SGCZ: variants seen among roughly 807,000 people sequenced by gnomAD.
SGCZ encodes sarcoglycan zeta, also known as zeta-sarcoglycan.
A neutral mutation model predicts 41.3 loss-of-function variants in SGCZ; 40 were observed. The observed-to-expected ratio is 0.97, with a 90% CI of 0.75 to 1.26. SGCZ has a LOEUF of 1.26. Among genes scored for constraint, SGCZ ranks in the 50% most tolerant of loss-of-function variants. The probability of loss-of-function intolerance (pLI) is 0.00; values close to 1 mark genes in which losing one functional copy is unlikely to be tolerated. For synonymous variants in SGCZ, 206 were observed against 137.5 expected (o/e 1.50, Z -3.49); for missense variants, 552 against 369.8 (o/e 1.49, Z -4.04).
At chr8:14,289,778 G>C (rs572179248) in intron 3 of SGCZ, among the ~76,000 whole-genome samples, 9 of 150,998 alleles carry the variant, frequency 6.0e-5, no homozygotes, top group African/African-American at 2.2e-4. Flanking sequence ...AACTGTATTA[G>C]TCCATTTCCA....
At chr8:15,048,698 A>G (rs911357424) in intron 1 of SGCZ, among the ~76,000 whole-genome samples, 2 of 152,310 alleles carry the variant, frequency 1.3e-5, no homozygotes, top group South Asian at 4.1e-4. Context: ...TTGACCACAG[A>G]TCTAAAAATA....
intron 2 of SGCZ, among the ~76,000 whole-genome samples, chr8:14,376,335 T>A (rs1326247431): frequency 1.3e-5 from 2 of 150,132 alleles, no homozygotes; most frequent in South Asian, 2.1e-4. Flanking sequence ...AAATAAAAAA[T>A]AAAATAAAAA....
At chr8:14,870,423 A>T (rs1300681531) in intron 1 of SGCZ, among the ~76,000 whole-genome samples, 1 of 152,194 alleles carries the variant, frequency 6.6e-6, no homozygotes. Context: ...TACACCTTAT[A>T]TAAAAATTAA....
chr8:15,221,124 G>C (rs561229630), intron 1 of SGCZ, among the ~76,000 whole-genome samples: 198 of 152,186 alleles, frequency 1.3e-3, no homozygotes, highest in African/African-American at 4.1e-3. Flanking sequence ...TAACAAAACT[G>C]CATGTTGTTC....
At chr8:14,748,214 C>T (rs1388722322) in intron 1 of SGCZ, among the ~76,000 whole-genome samples, 1 of 152,044 alleles carries the variant, frequency 6.6e-6, no homozygotes, top group African/African-American at 2.4e-5. Flanking sequence ...CCCACAACAA[C>T]GTTTTGAGAT....
intron 1 of SGCZ, among the ~76,000 whole-genome samples, chr8:14,660,937 A>C (rs558006356): frequency 1.3e-5 from 2 of 152,294 alleles, no homozygotes; most frequent in African/African-American, 4.8e-5. Context: ...AATCTGAAGA[A>C]TTTACTCAGG....
Position 14,666,648 on chromosome 8 carries a change from T to C in SGCZ, c.40-111722A>G, listed in dbSNP as rs74917479. Among the ~76,000 whole-genome samples the C allele has an allele frequency of 1.0e-3, 135 of 133,928 alleles. 1 individual carries two copies. The East Asian group carries it at 0.028, about 28-fold the overall frequency. The allele number at this position is 133,928 out of a possible 152,430, so 87.9% of individuals were successfully genotyped here. ...ACAAGTTATTTTCTCAGTACCCTAA[T>C]AGAGAGACAAGGACATATCTTGTTG... On this transcript the variant is annotated intron_variant, in intron 1 of 7. Transcript: ENST00000382080.
At chr8:14,235,976 C>A (rs562647784) in intron 4 of SGCZ, among the ~76,000 whole-genome samples, 1 of 152,284 alleles carries the variant, frequency 6.6e-6, no homozygotes, top group East Asian at 1.9e-4. Context: ...AGCTCCCGTG[C>A]CTGACCCTTA....
chr8:14,732,487 C>G (rs1798893317), intron 1 of SGCZ, among the ~76,000 whole-genome samples: 1 of 152,170 alleles, frequency 6.6e-6, no homozygotes, highest in Non-Finnish European at 1.5e-5. Flanking sequence ...ACCTCAAGTT[C>G]TCTAAGCCCT....
At chr8:14,825,219 AC>A (rs1177455752) in intron 1 of SGCZ, among the ~76,000 whole-genome samples, 1 of 152,136 alleles carries the variant, frequency 6.6e-6, no homozygotes, top group East Asian at 1.9e-4. Context: ...AGTAAAGAAA[AC>A]CTTTTATAGC....
intron 1 of SGCZ, among the ~76,000 whole-genome samples, chr8:14,786,850 AAC>A (rs141718621): frequency 0.36 from 50,812 of 141,444 alleles, 10,490 homozygotes; most frequent in East Asian, 0.51. Flanking sequence ...AAAAAAAAAA[AAC>A]AAAAAACACA....
At chr8:14,350,441 C>T (rs1205664663) in intron 2 of SGCZ, among the ~76,000 whole-genome samples, 1 of 152,080 alleles carries the variant, frequency 6.6e-6, no homozygotes, top group Non-Finnish European at 1.5e-5. Flanking sequence ...TCTGTTGCTA[C>T]TGAAGCATTC....
At chr8:14,394,873 C>T (rs1323731671) in intron 2 of SGCZ, among the ~76,000 whole-genome samples, 1 of 152,112 alleles carries the variant, frequency 6.6e-6, no homozygotes, top group African/African-American at 2.4e-5. Context: ...AGCATTATGT[C>T]AGTGCATGGG....
chr8:14,227,961 C>G (rs12675362), intron 4 of SGCZ, among the ~76,000 whole-genome samples: 28,874 of 151,874 alleles, frequency 0.19, 3,045 homozygotes, highest in East Asian at 0.45. Flanking sequence ...ACCCCATGAC[C>G]AGGCAATTAG....
chr8:15,236,189 C>A (rs146309238), intron 1 of SGCZ, among the ~76,000 whole-genome samples: 1 of 152,218 alleles, frequency 6.6e-6, no homozygotes. Context: ...TCCTGGACTG[C>A]ATCTACAGTC....
At chr8:14,281,734 C>G (rs941976711) in intron 3 of SGCZ, among the ~76,000 whole-genome samples, 12 of 151,926 alleles carry the variant, frequency 7.9e-5, no homozygotes, top group African/African-American at 1.9e-4. Flanking sequence ...ATATTTGTGT[C>G]AATACAAAAC....
intron 2 of SGCZ, among the ~76,000 whole-genome samples, chr8:14,401,444 C>T (rs554115143): frequency 2.0e-4 from 22 of 110,644 alleles, no homozygotes; most frequent in Non-Finnish European, 2.8e-4. Context: ...CCCCTCCCCC[C>T]ACCCCACAAC....
intron 1 of SGCZ, among the ~76,000 whole-genome samples, chr8:14,822,097 C>CACACAT (rs1454575473): frequency 6.6e-6 from 1 of 151,872 alleles, no homozygotes; most frequent in African/African-American, 2.4e-5. Flanking sequence ...CACACACACA[C>CACACAT]ACACACACAC....
chr8:14,916,447 A>G (rs1799441453), intron 1 of SGCZ, among the ~76,000 whole-genome samples: 1 of 152,246 alleles, frequency 6.6e-6, no homozygotes, highest in Non-Finnish European at 1.5e-5. Context: ...ATCAGATAGC[A>G]GAAATGTAGA....
Sources: gnomAD v4.1 joint callset for allele counts (sites outside exome capture counted in the v4.1 genomes callset) on GRCh38, gnomAD v4.1.1 for gene constraint, MANE v1.5 for transcripts, NCBI Gene and HGNC (gene_info 2026-07-23, HGNC 2026-07-21) for gene names.